Variants in VPS13C observed in about 807,000 individuals in gnomAD.
VPS13C encodes the protein vacuolar protein sorting 13 homolog C.
Under a neutral mutation model 456.8 loss-of-function variants are expected in VPS13C, and 358 were observed. That is an observed-to-expected ratio of 0.78 (90% confidence interval 0.72 to 0.86). The LOEUF (loss-of-function observed/expected upper bound fraction) is 0.86. VPS13C is among the 40% of genes least tolerant of loss of function. The pLI, the probability that VPS13C is intolerant of heterozygous loss-of-function variation, is 0.00. For missense variants in VPS13C, 4,818 were observed against 4,385.4 expected (o/e 1.10, Z -2.79); for synonymous variants, 1,578 against 1,486.7 (o/e 1.06, Z -1.41).
At chr15:61,968,356 A>G (rs1015242712) in intron 28 of VPS13C, among the ~76,000 whole-genome samples, 6 of 152,056 alleles carry the variant, frequency 3.9e-5, no homozygotes, top group Admixed American at 2.0e-4. Context: ...TACATTTACA[A>G]TGTATTAGGT....
At chr15:61,922,184 A>G (rs1317258350) in intron 54 of VPS13C, 151 bp from the exon 55 acceptor site, 2 of 1,038,740 alleles carry the variant, frequency 1.9e-6, no homozygotes, top group South Asian at 1.7e-5. Flanking sequence ...ATTTTCCTTT[A>G]CTCTCTTACT....
intron 1 of VPS13C, among the ~76,000 whole-genome samples, chr15:62,055,286 G>A (rs551600891): frequency 6.6e-5 from 10 of 151,836 alleles, no homozygotes; most frequent in African/African-American, 1.5e-4. Context: ...GGAGTGCAGC[G>A]GTGCAATCTC....
intron 74 of VPS13C, among the ~76,000 whole-genome samples, chr15:61,878,062 C>G: frequency 6.6e-6 from 1 of 151,706 alleles, no homozygotes; most frequent in Non-Finnish European, 1.5e-5. Context: ...TTTTCCACTG[C>G]TTTTAAACTT....
intron 10 of VPS13C, 63 bp downstream of exon 10, chr15:62,013,870 C>A (rs1334106231): frequency 1.6e-6 from 2 of 1,272,920 alleles, no homozygotes; most frequent in African/African-American, 1.5e-5. Context: ...ATCAATGTTT[C>A]TTCAAGAAAA....
At position 61,908,976 on chromosome 15, in the gene VPS13C, C is replaced by T. The variant is rs1330561866; in HGVS notation, c.8978+16G>A. The T allele has an allele frequency of 6.2e-7, 1 of 1,611,416 alleles. No individual in the cohort carries two copies. The highest frequency in any genetic ancestry group is 1.7e-5 in the Admixed American group (1 of 59,524). Reference sequence around the variant, plus strand: ...AACCAATAAAAGTATTTCCCATTAACCCTTTTTTCTCATACCTCTGTTTGT... The same window carrying T: ...AACCAATAAAAGTATTTCCCATTAATCCTTTTTTCTCATACCTCTGTTTGT... On this transcript the variant is annotated intron_variant, in intron 65 of 84. Coordinates refer to ENST00000644861, the MANE Select transcript of VPS13C (RefSeq NM_020821.3).
chr15:61,931,723 C>A (rs927557349), intron 49 of VPS13C, among the ~76,000 whole-genome samples: 10 of 151,602 alleles, frequency 6.6e-5, no homozygotes, highest in African/African-American at 2.4e-4. Flanking sequence ...ATTACAGGCG[C>A]CCACCACCAT....
In VPS13C at chr15:61,978,896, T is replaced by C. The variant is rs2045790157; in HGVS notation, c.2167-147A>G. The stretch of plus-strand genomic sequence containing the variant: ...GCTCTTAATGAATAAACATTTTAAT[T>C]TTCAGATAATTATTTGTAAACAATA... On this transcript the variant is annotated intron_variant, in intron 22 of 84. Coordinates refer to ENST00000644861, the MANE Select transcript of VPS13C (RefSeq NM_020821.3). The C allele has an allele frequency of 4.2e-6, 3 of 715,362 alleles. No homozygotes were observed. In the African/African-American group the frequency reaches 5.5e-5, roughly 13 times the overall value. 44.3% of individuals were successfully genotyped at this position (715,362 alleles called of 1,614,324 possible).
Position 61,915,830 on chromosome 15 carries a change from T to C in VPS13C, c.8248A>G (p.Thr2750Ala). ...CTGACGTGGACTGACAGGTCGACTGTCGTCACTTCTGTGGAGTCAGAAGAA... is the reference window on the plus strand; with the variant it reads ...CTGACGTGGACTGACAGGTCGACTGCCGTCACTTCTGTGGAGTCAGAAGAA... The part of the protein sequence containing the change: ...CFSSDSTEVT[T>A]VDLSVHVRRI... The change falls in exon 61 of 85, where the codon ACA (threonine) becomes GCA (alanine). Residue 2750 changes from threonine (T) to alanine (A), a missense_variant. Transcript: ENST00000644861. 6.2e-7 allele frequency: 1 copy of C among 1,614,026 alleles called. No homozygotes were observed. The highest frequency in any genetic ancestry group is 8.5e-7 in the Non-Finnish European group (1 of 1,180,006).
In VPS13C at chr15:61,877,024, G is replaced by C. The variant is rs772612385; in HGVS notation, c.10173C>G (p.Phe3391Leu). The C allele has an allele frequency of 1.2e-6, 2 of 1,609,424 alleles. No homozygotes were observed. Among genetic ancestry groups the C allele is most frequent in the Non-Finnish European group, 1.7e-6 (2 of 1,177,464 alleles). ...KLAYYEIRYQFYKRDQLIWSV... is the reference protein window; with the variant it reads ...KLAYYEIRYQLYKRDQLIWSV... ...TCCATATAAGCTGATCTCTCTTGTAGAACTGATATCGAATTTCATAATAAG... is the reference window on the plus strand; with the variant it reads ...TCCATATAAGCTGATCTCTCTTGTACAACTGATATCGAATTTCATAATAAG... The change falls in exon 75 of 85, where the codon TTC becomes TTG. Residue 3391 changes from phenylalanine to leucine, a missense_variant. Physicochemically the swap from Phe to Leu is conservative, Grantham distance 22. This residue lies in a region of VPS13C where 4,552 missense variants were observed against 4,130.6 expected (regional missense o/e 1.10). Coordinates refer to ENST00000644861, the MANE Select transcript of VPS13C (RefSeq NM_020821.3).
intron 66 of VPS13C, among the ~76,000 whole-genome samples, chr15:61,905,926 G>C (rs2043140470): frequency 1.3e-5 from 2 of 151,898 alleles, no homozygotes; most frequent in South Asian, 4.2e-4. Flanking sequence ...TTTCATAGTT[G>C]TCATGTCTTT....
rs2043570057 is a variant in VPS13C, at chr15:61,919,271, T to C, written c.7638+18A>G. 1 of 1,577,972 alleles carries C rather than the reference T, an allele frequency of 6.3e-7. No homozygotes were observed. Among genetic ancestry groups the C allele is most frequent in the Non-Finnish European group, 8.6e-7 (1 of 1,165,882 alleles). ...TCTTGGTACACTGAAAGGGATACAA[T>C]TAACTTTGAAGTATTACCTGTAGAG... On this transcript the variant is annotated intron_variant, in intron 58 of 84. Transcript: ENST00000644861.
At chr15:61,986,865 T>C (rs2046072541) in intron 18 of VPS13C, among the ~76,000 whole-genome samples, 2 of 152,030 alleles carry the variant, frequency 1.3e-5, no homozygotes, top group Non-Finnish European at 2.9e-5. Flanking sequence ...ATTAACAACC[T>C]AGAATTCTAT....
intron 23 of VPS13C, 87 bp downstream of exon 23, chr15:61,978,539 T>A: frequency 1.4e-6 from 2 of 1,443,398 alleles, no homozygotes; most frequent in Non-Finnish European, 1.8e-6. Context: ...GTTGTCAGGG[T>A]TGATATATAG....
chr15:61,945,426 A>G (rs1002329676), intron 45 of VPS13C, among the ~76,000 whole-genome samples: 4 of 152,268 alleles, frequency 2.6e-5, no homozygotes, highest in African/African-American at 9.6e-5. Flanking sequence ...AATATATCTC[A>G]TTAAACAAGT....
At chr15:61,971,211 G>A (rs2045540857) in intron 27 of VPS13C, among the ~76,000 whole-genome samples, 1 of 152,116 alleles carries the variant, frequency 6.6e-6, no homozygotes, top group Admixed American at 6.6e-5. Context: ...AGTCAGTGGA[G>A]GATACTGAGC....
chr15:61,927,917 T>C (rs2043915463), intron 51 of VPS13C, among the ~76,000 whole-genome samples: 1 of 152,002 alleles, frequency 6.6e-6, no homozygotes, highest in South Asian at 2.1e-4. Context: ...CTGGAAACCA[T>C]CATCCTCAGC....
intron 54 of VPS13C, 32 bp downstream of exon 54, chr15:61,922,365 G>C: frequency 6.4e-7 from 1 of 1,572,936 alleles, no homozygotes; most frequent in Non-Finnish European, 8.6e-7. Context: ...CTTTCAAGAA[G>C]TCTCTGAAGG....
In VPS13C at chr15:61,917,351, T is replaced by C; in HGVS notation, c.8045A>G (p.Tyr2682Cys). Residue 2682 changes from tyrosine (Y) to cysteine (C), a missense_variant, in exon 60 of 85, where the codon TAT becomes TGT. This residue lies in a region of VPS13C where 4,552 missense variants were observed against 4,130.6 expected (regional missense o/e 1.10). Transcript: ENST00000644861. Reference sequence around the variant, plus strand: ...ATGCAAGAGACATACCTCAAGTAAATATCTTAGGGAATATGGGAGAAGATT... The same window carrying C: ...ATGCAAGAGACATACCTCAAGTAAACATCTTAGGGAATATGGGAGAAGATT... ...LRNLLPYSLR[Y>C]LLEGTAETHE... 6.2e-7 allele frequency: 1 copy of C among 1,611,610 alleles called. No homozygotes were observed. Among genetic ancestry groups the C allele is most frequent in the Non-Finnish European group, 8.5e-7 (1 of 1,178,026 alleles).
intron 16 of VPS13C, among the ~76,000 whole-genome samples, chr15:61,992,381 GAATACAGGGATAAACAA>G (rs1428588140): frequency 5.3e-5 from 8 of 152,050 alleles, no homozygotes; most frequent in African/African-American, 1.9e-4. Flanking sequence ...CCAAAAGGCA[GAATACAGGGATAAACAA>G]AATAAAGGGG....
Sources: allele counts gnomAD v4.1 joint callset (sites outside exome capture counted in the v4.1 genomes callset), GRCh38; gene constraint gnomAD v4.1.1; regional missense constraint gnomAD v4.1.1; transcripts MANE v1.5; gene names NCBI Gene and HGNC (gene_info 2026-07-23, HGNC 2026-07-21).